Variants in STXBP6 observed in about 807,000 individuals in gnomAD.
STXBP6 encodes the protein syntaxin binding protein 6.
Under a neutral mutation model 26.9 loss-of-function variants are expected in STXBP6, and 21 were observed. That is an observed-to-expected ratio of 0.78 (90% CI 0.55 to 1.12). The LOEUF (loss-of-function observed/expected upper bound fraction) is 1.12, where lower values mean the gene tolerates loss of function less well. Ranked by LOEUF, STXBP6 falls within the 50% of genes most tolerant of loss-of-function variation. STXBP6 has a pLI of 0.00. For missense variants in STXBP6, 232 were observed against 257.9 expected (o/e 0.90, Z 0.69); for synonymous variants, 97 against 92.6 (o/e 1.05, Z -0.27).
chr14:24,922,373 T>A (rs548492503), intron 2 of STXBP6, among the ~76,000 whole-genome samples: 6 of 152,248 alleles, frequency 3.9e-5, no homozygotes, highest in African/African-American at 1.4e-4. Context: ...TAATTCCTGA[T>A]CAAATGTGTT....
chr14:24,960,538 C>T (rs931787027), intron 2 of STXBP6, among the ~76,000 whole-genome samples: 2 of 152,108 alleles, frequency 1.3e-5, no homozygotes, highest in Non-Finnish European at 2.9e-5. Context: ...ATATTTTATT[C>T]TCCTAACCCA....
chr14:24,992,172 C>A (rs2074490926), intron 1 of STXBP6, among the ~76,000 whole-genome samples: 1 of 152,198 alleles, frequency 6.6e-6, no homozygotes, highest in East Asian at 1.9e-4. Flanking sequence ...AGCATGTCTT[C>A]AATGCATAGA....
At chr14:25,025,449 T>C (rs2075333229) in intron 1 of STXBP6, among the ~76,000 whole-genome samples, 1 of 152,086 alleles carries the variant, frequency 6.6e-6, no homozygotes, top group Non-Finnish European at 1.5e-5. Flanking sequence ...GTCTAATCAA[T>C]GGGCAAACAC....
At chr14:24,814,204 G>A (rs374410387) in intron 5 of STXBP6, among the ~76,000 whole-genome samples, 2 of 152,208 alleles carry the variant, frequency 1.3e-5, no homozygotes, top group African/African-American at 4.8e-5. Flanking sequence ...ACCTCAAGGA[G>A]TTTATAGTCC....
chr14:24,851,412 G>A (rs1191652197), intron 4 of STXBP6, among the ~76,000 whole-genome samples: 9 of 74,992 alleles, frequency 1.2e-4, no homozygotes, highest in African/African-American at 2.2e-4. Flanking sequence ...AACAGGCCCC[G>A]GTGTGTGATG....
chr14:24,932,278 G>A (rs2072443533), intron 2 of STXBP6, among the ~76,000 whole-genome samples: 1 of 152,188 alleles, frequency 6.6e-6, no homozygotes, highest in African/African-American at 2.4e-5. Flanking sequence ...GTGGTAGCGG[G>A]TGCCTGTAGT....
At chr14:24,898,461 G>A (rs1364262150) in intron 2 of STXBP6, among the ~76,000 whole-genome samples, 4 of 152,124 alleles carry the variant, frequency 2.6e-5, no homozygotes, top group Admixed American at 6.5e-5. Flanking sequence ...GGTGGATCAC[G>A]AGGTCAGGAG....
At chr14:24,813,393 GC>G (rs2067879681) in intron 5 of STXBP6, among the ~76,000 whole-genome samples, 1 of 152,148 alleles carries the variant, frequency 6.6e-6, no homozygotes, top group African/African-American at 2.4e-5. Context: ...AGCCCAGCCA[GC>G]CCATGATAAT....
intron 4 of STXBP6, among the ~76,000 whole-genome samples, chr14:24,823,280 C>T (rs1276914886): frequency 6.6e-6 from 1 of 151,546 alleles, no homozygotes; most frequent in Non-Finnish European, 1.5e-5. Context: ...TCACTGAGAA[C>T]ACAATGAAAA....
chr14:24,981,068 A>C (rs2074179369), intron 1 of STXBP6, among the ~76,000 whole-genome samples: 3 of 152,234 alleles, frequency 2.0e-5, no homozygotes, highest in Admixed American at 6.5e-5. Context: ...AATTACTTAT[A>C]AAACAAATAA....
chr14:24,881,892 G>A (rs922949061), intron 2 of STXBP6, among the ~76,000 whole-genome samples: 1 of 152,160 alleles, frequency 6.6e-6, no homozygotes, highest in Non-Finnish European at 1.5e-5. Flanking sequence ...CTATGAATGG[G>A]GAAGATCTCC....
Position 24,933,996 on chromosome 14 carries a change from A to T in STXBP6, c.154+40669T>A, listed in dbSNP as rs568297689. On this transcript the variant is annotated intron_variant, in intron 2 of 5. Coordinates refer to ENST00000323944, the MANE Select transcript of STXBP6 (RefSeq NM_001394410.1). ...TCCTAGACAAAGCAATGAGAAAAAGACAAAAATAATAGTGAATGTAGGGGC... is the reference window on the plus strand; with the variant it reads ...TCCTAGACAAAGCAATGAGAAAAAGTCAAAAATAATAGTGAATGTAGGGGC... Among the ~76,000 whole-genome samples, 8 of 152,286 alleles carry T rather than the reference A, an allele frequency of 5.3e-5. 1 individual carries two copies. In the South Asian group the frequency reaches 1.7e-3, roughly 32 times the overall value.
rs370519391 is a variant in STXBP6, at chr14:24,884,081, CA to C, written c.155-26925del. Among the ~76,000 whole-genome samples, 861 of 148,380 alleles carry C rather than the reference CA, an allele frequency of 5.8e-3. 8 individuals carry two copies. The highest frequency in any genetic ancestry group is 0.02 in the African/African-American group (800 of 40,432). The stretch of plus-strand genomic sequence containing the variant: ...CATGTAACTGTATAGCTATCTCTGC[CA>C]AAAAAAAAGGTGGGGGGGCACATCT... On this transcript the variant is annotated intron_variant, in intron 2 of 5. Transcript: ENST00000323944.
At chr14:24,988,123 A>C (rs188075165) in intron 1 of STXBP6, among the ~76,000 whole-genome samples, 2 of 152,342 alleles carry the variant, frequency 1.3e-5, no homozygotes, top group Admixed American at 6.5e-5. Flanking sequence ...CAGATAGAGA[A>C]ATCACATAAT....
chr14:24,901,487 G>A (rs902127972), intron 2 of STXBP6, among the ~76,000 whole-genome samples: 4 of 152,094 alleles, frequency 2.6e-5, no homozygotes, highest in Non-Finnish European at 5.9e-5. Flanking sequence ...TAGGCATAAC[G>A]TTCCCATAAT....
At chr14:24,872,115 A>G (rs767264647) in intron 2 of STXBP6, among the ~76,000 whole-genome samples, 9 of 152,222 alleles carry the variant, frequency 5.9e-5, no homozygotes, top group Non-Finnish European at 8.8e-5. Context: ...CTATGCCAAA[A>G]TTCCCACGAA....
chr14:24,954,852 G>A (rs545037121), intron 2 of STXBP6, among the ~76,000 whole-genome samples: 5 of 152,328 alleles, frequency 3.3e-5, no homozygotes, highest in South Asian at 2.1e-4. Context: ...TGTCCACAGC[G>A]CAGATATAAA....
intron 2 of STXBP6, among the ~76,000 whole-genome samples, chr14:24,895,395 C>T (rs1197214840): frequency 2.0e-5 from 3 of 152,186 alleles, no homozygotes; most frequent in African/African-American, 7.2e-5. Context: ...TTCTTCAGTT[C>T]TGACTTCAAC....
intron 2 of STXBP6, among the ~76,000 whole-genome samples, chr14:24,858,687 C>A (rs574901902): frequency 1.1e-4 from 17 of 152,084 alleles, no homozygotes; most frequent in African/African-American, 3.4e-4. Flanking sequence ...CCATTTAATT[C>A]GATTCATTTA....
Sources: gnomAD v4.1 joint callset for allele counts (sites outside exome capture counted in the v4.1 genomes callset) on GRCh38, gnomAD v4.1.1 for gene constraint, MANE v1.5 for transcripts, NCBI Gene and HGNC (gene_info 2026-07-23, HGNC 2026-07-21) for gene names.